The following TATDN1 variants were observed in gnomAD, a reference collection of about 807,000 sequenced individuals.
TATDN1 encodes the protein TatD DNase domain containing 1.
Under a neutral mutation model 46.4 loss-of-function variants are expected in TATDN1, and 40 were observed. The observed-to-expected ratio is 0.86, with a 90% CI of 0.67 to 1.12. The LOEUF (loss-of-function observed/expected upper bound fraction) is 1.12, where lower values mean the gene tolerates loss of function less well. Among genes scored for constraint, TATDN1 ranks in the 50% most tolerant of loss-of-function variants. TATDN1 has a pLI of 0.00. For missense variants in TATDN1, 326 were observed against 348.4 expected, an observed-to-expected ratio of 0.94 and a Z score of 0.51; for synonymous variants, 95 against 105.6, an observed-to-expected ratio of 0.90 and a Z score of 0.62.
intron 1 of TATDN1, among the ~76,000 whole-genome samples, chr8:124,536,023 T>C (rs1011219367): frequency 1.3e-5 from 2 of 152,242 alleles, no homozygotes; most frequent in Admixed American, 1.3e-4. Flanking sequence ...ATCTAAACTA[T>C]ATCAGGAATG....
chr8:124,538,801 G>C (rs1318721681), intron 1 of TATDN1: 2 of 604,414 alleles, frequency 3.3e-6, no homozygotes, highest in East Asian at 5.6e-5. Flanking sequence ...ATAACTGTAC[G>C]GCTTGTTAAT....
intron 4 of TATDN1, among the ~76,000 whole-genome samples, chr8:124,517,159 G>T (rs1255199162): frequency 6.6e-6 from 1 of 152,210 alleles, no homozygotes; most frequent in African/African-American, 2.4e-5. Flanking sequence ...GGTGGGTGAG[G>T]TGGCTTACGC....
chr8:124,498,476 A>G (rs1046486522), intron 9 of TATDN1, among the ~76,000 whole-genome samples: 45 of 132,308 alleles, frequency 3.4e-4, no homozygotes, highest in African/African-American at 1.3e-3. Context: ...ACAGGAGTGG[A>G]TATGGGAGTG....
At chr8:124,527,745 T>A (rs1437869576) in intron 1 of TATDN1, among the ~76,000 whole-genome samples, 1 of 151,862 alleles carries the variant, frequency 6.6e-6, no homozygotes, top group Admixed American at 6.6e-5. Context: ...GCAGCACCAA[T>A]AGCCAAATCT....
At chr8:124,495,299 A>G in intron 10 of TATDN1, 173 bp downstream of exon 10, 1 of 608,368 alleles carries the variant, frequency 1.6e-6, no homozygotes, top group East Asian at 2.9e-5. Context: ...TCATTTGCAT[A>G]TGTTTTTCCA....
intron 9 of TATDN1, among the ~76,000 whole-genome samples, chr8:124,495,874 T>G (rs557623081): frequency 6.6e-6 from 1 of 152,252 alleles, no homozygotes; most frequent in African/African-American, 2.4e-5. Context: ...TCTAAGGCTG[T>G]AAACGTTCAT....
At chr8:124,489,732 G>C (rs1816787894) in intron 11 of TATDN1, 1 of 152,152 alleles carries the variant, frequency 6.6e-6, no homozygotes, top group Non-Finnish European at 1.5e-5. Context: ...CAGTTTCTGT[G>C]CTTACAGTAA....
intron 8 of TATDN1, among the ~76,000 whole-genome samples, chr8:124,508,036 TA>T (rs931538288): frequency 1.3e-4 from 20 of 152,166 alleles, no homozygotes; most frequent in African/African-American, 3.9e-4. Context: ...TATTCCTTTT[TA>T]AAAAAAATTT....
intron 4 of TATDN1, among the ~76,000 whole-genome samples, chr8:124,517,237 G>C (rs377730599): frequency 1.1e-3 from 169 of 152,224 alleles, no homozygotes; most frequent in African/African-American, 3.9e-3. Flanking sequence ...AGACCAGCCT[G>C]ACCAACATGG....
intron 8 of TATDN1, among the ~76,000 whole-genome samples, chr8:124,505,941 A>G (rs897447757): frequency 7.3e-5 from 11 of 150,632 alleles, no homozygotes; most frequent in African/African-American, 2.7e-4. Flanking sequence ...GTTATTAATT[A>G]TTTGGCAATT....
intron 1 of TATDN1, among the ~76,000 whole-genome samples, chr8:124,524,940 T>C (rs1820358081): frequency 2.0e-5 from 3 of 152,092 alleles, no homozygotes; most frequent in Admixed American, 2.0e-4. Flanking sequence ...GAAAGGTCTA[T>C]AGGTCCTGGC....
chr8:124,522,815 A>G (rs1820165557), intron 2 of TATDN1, 122 bp downstream of exon 2: 1 of 842,000 alleles, frequency 1.2e-6, no homozygotes, highest in Admixed American at 2.0e-5. Context: ...TCAGACTCCC[A>G]AAGTGCTGAG....
intron 11 of TATDN1, chr8:124,489,281 T>C (rs1816706583): frequency 6.6e-6 from 1 of 152,452 alleles, no homozygotes; most frequent in African/African-American, 2.4e-5. Flanking sequence ...GGGCGAGGGC[T>C]TTCTGTACCT....
At position 124,515,868 on chromosome 8, in the gene TATDN1, A is replaced by G. The variant is rs1378153583; in HGVS notation, c.346+19T>C. On this transcript the variant is annotated intron_variant, in intron 5 of 11. Transcript: ENST00000276692. ...TATTTTCAAACAATGTCACTCTAAGAGGCGAGGCTGGCACTCACCAAGTCC... is the reference window on the plus strand; with the variant it reads ...TATTTTCAAACAATGTCACTCTAAGGGGCGAGGCTGGCACTCACCAAGTCC... 2 of 1,613,854 alleles carry G rather than the reference A, an allele frequency of 1.2e-6. No homozygotes were observed.
chr8:124,520,391 C>T (rs1262549940), intron 3 of TATDN1, among the ~76,000 whole-genome samples: 2 of 150,794 alleles, frequency 1.3e-5, no homozygotes, highest in African/African-American at 2.4e-5. Context: ...GAGCCGAGAT[C>T]GTGCCACTGC....
intron 10 of TATDN1, chr8:124,494,308 G>A (rs548348082): frequency 6.3e-6 from 1 of 158,950 alleles, no homozygotes; most frequent in Admixed American, 6.4e-5. Flanking sequence ...TATGCATGTA[G>A]TGAGGTTTGC....
At chr8:124,532,389 T>C (rs1041984901) in intron 1 of TATDN1, among the ~76,000 whole-genome samples, 2 of 152,204 alleles carry the variant, frequency 1.3e-5, no homozygotes, top group African/African-American at 4.8e-5. Flanking sequence ...GCTCAAGTGA[T>C]TCTCCTGCCT....
chr8:124,506,001 G>A (rs1818374381), intron 8 of TATDN1, among the ~76,000 whole-genome samples: 1 of 151,914 alleles, frequency 6.6e-6, no homozygotes, highest in South Asian at 2.1e-4. Flanking sequence ...TGTTGCTTTT[G>A]TTAATTTTAA....
At chr8:124,528,117 G>A (rs541163372) in intron 1 of TATDN1, among the ~76,000 whole-genome samples, 1 of 152,260 alleles carries the variant, frequency 6.6e-6, no homozygotes, top group South Asian at 2.1e-4. Flanking sequence ...TCATTGAGAG[G>A]ATTAGTAGTT....
Sources: gnomAD v4.1 joint callset for allele counts (sites outside exome capture counted in the v4.1 genomes callset) on GRCh38, gnomAD v4.1.1 for gene constraint, MANE v1.5 for transcripts, NCBI Gene and HGNC (gene_info 2026-07-23, HGNC 2026-07-21) for gene names.